FRS3: variants seen among roughly 807,000 people sequenced by gnomAD.
FRS3 encodes the protein fibroblast growth factor receptor substrate 3, also known as FGFR substrate 3.
FRS3 carries 17 observed loss-of-function variants against 41.9 expected under a neutral mutation model. The observed-to-expected ratio is 0.41, with a 90% CI of 0.28 to 0.61. FRS3 has a LOEUF of 0.61. Among genes scored for constraint, FRS3 ranks in the 20% least tolerant of loss-of-function variants. The pLI, the probability that FRS3 is intolerant of heterozygous loss-of-function variation, is 0.36. For synonymous variants in FRS3, 287 were observed against 274.5 expected (o/e 1.05, Z -0.45); for missense variants, 619 against 672.1 (o/e 0.92, Z 0.87).
rs1772252591 is a variant in FRS3, at chr6:41,770,358, C to T, written c.*261G>A. 1 of 550,156 alleles carries T rather than the reference C, an allele frequency of 1.8e-6. No individual in the cohort carries two copies. Among genetic ancestry groups the T allele is most frequent in the South Asian group, 2.4e-5 (1 of 41,328 alleles). 34.1% of individuals were successfully genotyped at this position (550,156 alleles called of 1,614,324 possible). A position where few individuals can be genotyped will look rare whatever the true frequency, so the allele number is the denominator to read the frequency against. ...GGACAGAACGGGAGGGCGCTAAACG[C>T]AATCACAGGAACCCTTCACAGTTGA... On this transcript the variant is annotated 3_prime_UTR_variant, in exon 7 of 7. Transcript: ENST00000373018.
At chr6:41,775,053 C>T (rs1053611967) in intron 4 of FRS3, among the ~76,000 whole-genome samples, 2 of 152,308 alleles carry the variant, frequency 1.3e-5, no homozygotes, top group South Asian at 2.1e-4. Context: ...AACATGACCT[C>T]GGAGGCTCAC....
chr6:41,775,825 T>G (rs1163833292), intron 3 of FRS3, among the ~76,000 whole-genome samples: 3 of 152,212 alleles, frequency 2.0e-5, no homozygotes, highest in Non-Finnish European at 4.4e-5. Flanking sequence ...GTGCTGAGTT[T>G]TGTCATATGG....
Position 41,772,952 on chromosome 6 carries a change from A to C in FRS3, c.261T>G (p.Phe87Leu). Reference protein sequence around the residue: ...GRRCQTGQGIFAFKCSRAEEI... With the variant: ...GRRCQTGQGILAFKCSRAEEI... Reference sequence around the variant, plus strand: ...CCTCAGCCCGGGAACACTTAAATGCAAATATTCCTGGAGAAGGAGAGGAAG... The same window carrying C: ...CCTCAGCCCGGGAACACTTAAATGCCAATATTCCTGGAGAAGGAGAGGAAG... The change falls in exon 5 of 7, where the codon TTT (phenylalanine) becomes TTG (leucine). Residue 87 changes from phenylalanine to leucine, a missense_variant. Phe to Leu is a conservative substitution (Grantham distance 22). Transcript: ENST00000373018. The C allele has an allele frequency of 6.2e-7, 1 of 1,613,914 alleles. No individual in the cohort carries two copies. Among genetic ancestry groups the C allele is most frequent in the Non-Finnish European group, 8.5e-7 (1 of 1,179,874 alleles).
chr6:41,776,043 C>A (rs1772403406), intron 3 of FRS3, among the ~76,000 whole-genome samples: 4 of 152,190 alleles, frequency 2.6e-5, no homozygotes, highest in Admixed American at 6.5e-5. Flanking sequence ...ATCTCCTCTA[C>A]CACCTCCCCA....
At chr6:41,772,314 G>A (rs561968547) in intron 5 of FRS3, among the ~76,000 whole-genome samples, 10 of 152,262 alleles carry the variant, frequency 6.6e-5, no homozygotes, top group South Asian at 2.1e-4. Flanking sequence ...AAGGGACTGC[G>A]CTTCTATTTC....
intron 5 of FRS3, 60 bp downstream of exon 5, chr6:41,772,738 T>A: frequency 7.0e-7 from 1 of 1,420,608 alleles, no homozygotes; most frequent in Non-Finnish European, 9.3e-7. Flanking sequence ...GATTTGTGCT[T>A]CCTGGGCGTG....
At chr6:41,771,611 A>C (rs1357805084) in intron 6 of FRS3, 78 bp from the exon 7 acceptor site, 2 of 1,298,698 alleles carry the variant, frequency 1.5e-6, no homozygotes. Flanking sequence ...GATGAGAGAA[A>C]AGAAGCACAC....
Position 41,778,146 on chromosome 6 carries a change from C to G in FRS3, c.-137G>C, listed in dbSNP as rs537256435. On this transcript the variant is annotated 5_prime_UTR_variant, in exon 2 of 7. Coordinates refer to ENST00000373018, the MANE Select transcript of FRS3 (RefSeq NM_006653.5). Reference sequence around the variant, plus strand: ...GCAAACAGTCTGCAGAGAAGTCACCCGGATCCCTCTGGGATACACCTGGGG... The same window carrying G: ...GCAAACAGTCTGCAGAGAAGTCACCGGGATCCCTCTGGGATACACCTGGGG... The G allele has an allele frequency of 6.6e-6, 1 of 152,578 alleles. No homozygotes were observed. The allele number at this position is 152,578 out of a possible 1,614,324, so 9.5% of individuals were successfully genotyped here. A position where few individuals can be genotyped will look rare whatever the true frequency, so the allele number is the denominator to read the frequency against.
At position 41,771,352 on chromosome 6, in the gene FRS3, G is replaced by A. The variant is rs1772288032; in HGVS notation, c.746C>T (p.Ala249Val). Residue 249 changes from alanine (A) to valine (V), a missense_variant, in exon 7 of 7, where the codon GCT (alanine) becomes GTT (valine). Coordinates refer to ENST00000373018, the MANE Select transcript of FRS3 (RefSeq NM_006653.5). The stretch of plus-strand genomic sequence containing the variant: ...CTGGCACTTCACCATGTGCCGCCGA[G>A]CAGGGGTCGGGCCCAACACAAACTT... Reference protein sequence around the residue: ...QVKFVLGPTPARRHMVKCQGL... With the variant: ...QVKFVLGPTPVRRHMVKCQGL... The A allele has an allele frequency of 6.2e-7, 1 of 1,613,482 alleles. No individual in the cohort carries two copies. Among genetic ancestry groups the A allele is most frequent in the South Asian group, 1.1e-5 (1 of 90,964 alleles).
chr6:41,778,581 G>A (rs562156879), intron 1 of FRS3, among the ~76,000 whole-genome samples: 93 of 152,210 alleles, frequency 6.1e-4, no homozygotes, highest in African/African-American at 1.7e-3. Context: ...CCAATATATC[G>A]GTCAGTTTTG....
In FRS3 at chr6:41,770,640, G is replaced by A. The variant is rs746527722; in HGVS notation, c.1458C>T (p.Asn486=). Residue 486 remains asparagine (N), a synonymous_variant, in exon 7 of 7, where the codon AAC becomes AAT. Transcript: ENST00000373018. ...GTCCCTACAGAGGCAGGTCGGTGCT[G>A]TTGTGCCGGGTTTTCCTGGCGGTGC... ...DDGTARKTRH[N]STDLPL 1.4e-5 allele frequency: 22 copies of A among 1,614,126 alleles called. No homozygotes were observed. Among genetic ancestry groups the A allele is most frequent in the East Asian group, 4.5e-5 (2 of 44,898 alleles).
At chr6:41,775,355 C>T in intron 4 of FRS3, 64 bp downstream of exon 4, 3 of 1,345,578 alleles carry the variant, frequency 2.2e-6, no homozygotes, top group Non-Finnish European at 3.0e-6. Flanking sequence ...CTAACCTATA[C>T]ATTAGGAACC....
chr6:41,771,791 AG>A, intron 6 of FRS3, 24 bp downstream of exon 6: 1 of 1,547,606 alleles, frequency 6.5e-7, no homozygotes, highest in East Asian at 2.4e-5. Flanking sequence ...CCAACAGGGC[AG>A]GGGCTGGCCG....
intron 5 of FRS3, 76 bp downstream of exon 5, chr6:41,772,722 C>T (rs1431094452): frequency 2.7e-6 from 4 of 1,491,826 alleles, no homozygotes; most frequent in Admixed American, 1.9e-5. Flanking sequence ...CTTAACTAGT[C>T]CCTCAGATTT....
At position 41,779,607 on chromosome 6, in the gene FRS3, T is replaced by C. The variant is rs574924918; in HGVS notation, c.-168+209A>G. ...GGCTGCAGGACAGGCTACAGGACTG[T>C]CAAGGGGAATTTCTACATGCCCGTA... On this transcript the variant is annotated intron_variant, in intron 1 of 6. Transcript: ENST00000373018. Among the ~76,000 whole-genome samples the C allele has an allele frequency of 3.3e-5, 5 of 151,674 alleles. No homozygotes were observed. In the South Asian group the frequency reaches 1.0e-3, roughly 32 times the overall value.
At position 41,775,266 on chromosome 6, in the gene FRS3, C is replaced by A. The variant is rs993107277; in HGVS notation, c.253+153G>T. On this transcript the variant is annotated intron_variant, in intron 4 of 6. Coordinates refer to ENST00000373018, the MANE Select transcript of FRS3 (RefSeq NM_006653.5). Reference sequence around the variant, plus strand: ...TTGACCTTATGGAATAACCTACCACCCCTGACCTCTGACTGCAGGGAGAAT... The same window carrying A: ...TTGACCTTATGGAATAACCTACCACACCTGACCTCTGACTGCAGGGAGAAT... 1.3e-5 allele frequency among the ~76,000 whole-genome samples: 2 copies of A among 152,220 alleles called. No homozygotes were observed. Among genetic ancestry groups the A allele is most frequent in the African/African-American group, 2.4e-5 (1 of 41,442 alleles).
In FRS3 at chr6:41,775,573, C is replaced by T. The variant is rs2127300502; in HGVS notation, c.99G>A (p.Leu33=). Residue 33 remains leucine (L), a synonymous_variant, in exon 4 of 7, where the codon CTG becomes CTA. Transcript: ENST00000373018. ...GCGTCAGCTCCATCACCCCAGAGCC[C>T]AGCTCCACCCCCTCATCATCCACAT... is the stretch of plus-strand genomic sequence containing the variant. ...VTNVDDEGVE[L]GSGVMELTQS... 1.9e-6 allele frequency: 3 copies of T among 1,614,070 alleles called. No individual in the cohort carries two copies. In the East Asian group the frequency reaches 6.7e-5, roughly 36 times the overall value.
rs780003701 is a variant in FRS3 at position 41,772,851 on chromosome 6, C to T, written c.362G>A (p.Arg121His). The T allele has an allele frequency of 1.1e-5, 17 of 1,612,868 alleles. No individual in the cohort carries two copies. The East Asian group carries it at 2.0e-4, about 19-fold the overall frequency. The change falls in exon 5 of 7, where the codon CGC becomes CAC. Residue 121 changes from arginine (R) to histidine (H), a missense_variant. Transcript: ENST00000373018. ...GTCAAGCTCAGCGGGGTGGCTATTG[C>T]GGGTGATGATGACAGGCTCTTCCAT... ...NVMEEPVIIT[R>H]NSHPAELDLP...
intron 6 of FRS3, 40 bp downstream of exon 6, chr6:41,771,776 C>T (rs768710306): frequency 6.5e-7 from 1 of 1,543,848 alleles, no homozygotes; most frequent in South Asian, 1.2e-5. Context: ...TCGTCCCCAC[C>T]CAGACCAACA....
Sources: gnomAD v4.1 joint callset for allele counts (sites outside exome capture counted in the v4.1 genomes callset) on GRCh38, gnomAD v4.1.1 for gene constraint, MANE v1.5 for transcripts, NCBI Gene and HGNC (gene_info 2026-07-23, HGNC 2026-07-21) for gene names.